EREG: variants seen among roughly 807,000 people sequenced by gnomAD.
EREG encodes the protein proepiregulin.
In EREG, 23 loss-of-function variants were observed where a neutral mutation model predicts 22.4. The ratio of observed to expected loss-of-function variants is 1.03; its 90% CI spans 0.74 to 1.46. The LOEUF is 1.46. EREG is among the 40% of genes most tolerant of loss of function. The probability of loss-of-function intolerance (pLI) is 0.00; values close to 1 mark genes in which losing one functional copy is unlikely to be tolerated. For synonymous variants in EREG, 100 were observed against 75.4 expected, an observed-to-expected ratio of 1.33 and a Z score of -1.69; for missense variants, 226 against 205.9, an observed-to-expected ratio of 1.10 and a Z score of -0.60.
intron 4 of EREG, among the ~76,000 whole-genome samples, 161 bp from the exon 5 acceptor site, chr4:74,384,566 C>A (rs1341442655): frequency 9.9e-6 from 1 of 101,500 alleles, no homozygotes; most frequent in Non-Finnish European, 1.9e-5. Flanking sequence ...ACCTCTTCAT[C>A]CCTCTTTTTT....
chr4:74,381,174 A>AT (rs759052961), intron 3 of EREG, 37 bp downstream of exon 3: 90 of 1,591,202 alleles, frequency 5.7e-5, no homozygotes, highest in Non-Finnish European at 7.5e-5. Flanking sequence ...AGTTTGTAAA[A>AT]TTTTGTTTTA....
At chr4:74,380,191 CT>C (rs1223759679) in intron 2 of EREG, among the ~76,000 whole-genome samples, 1 of 151,246 alleles carries the variant, frequency 6.6e-6, no homozygotes, top group Non-Finnish European at 1.5e-5. Context: ...ACAACTTTAT[CT>C]TTTGTCCCTC....
rs545084192 is a variant in EREG, at chr4:74,386,421, T to A, written c.*1613T>A. On this transcript the variant is annotated 3_prime_UTR_variant, in exon 5 of 5. Transcript: ENST00000244869. ...AAGTCCTGGCCCTGGCCCTTACTAT[T>A]AGGAAAATAAACAGACAAAAACAAG... 6.6e-6 allele frequency: 1 copy of A among 152,346 alleles called. No individual in the cohort carries two copies. The highest frequency in any genetic ancestry group is 2.1e-4 in the South Asian group (1 of 4,832). The allele number at this position is 152,346 out of a possible 1,614,324, so 9.4% of individuals were successfully genotyped here. A position where few individuals can be genotyped will look rare whatever the true frequency, so the allele number is the denominator to read the frequency against.
chr4:74,381,936 G>A, intron 3 of EREG: 1 of 118,820 alleles, frequency 8.4e-6, no homozygotes, highest in African/African-American at 3.1e-5. Flanking sequence ...AGTGAGCGGA[G>A]ATCATGCCAC....
At position 74,381,153 on chromosome 4, in the gene EREG, TAAAC is replaced by T. The variant is rs774016656; in HGVS notation, c.278+22_278+25del. On this transcript the variant is annotated intron_variant, in intron 3 of 4. Coordinates refer to ENST00000244869, the MANE Select transcript of EREG (RefSeq NM_001432.3). ...ACTACTGCAGGTAATATGTCAGAAA[TAAAC>T]AAACACAGTTTGTAAAATTTTGTTT... 20 of 1,605,292 alleles carry T rather than the reference TAAAC, an allele frequency of 1.2e-5. No individual in the cohort carries two copies. The highest frequency in any genetic ancestry group is 9.4e-5 in the African/African-American group (7 of 74,478).
In EREG at chr4:74,387,278, G is replaced by A. The variant is rs1379159278; in HGVS notation, c.*2470G>A. The A allele has an allele frequency of 2.6e-5, 4 of 151,748 alleles. No homozygotes were observed. The highest frequency in any genetic ancestry group is 5.9e-5 in the Non-Finnish European group (4 of 67,960). The allele number at this position is 151,748 out of a possible 1,614,324, so 9.4% of individuals were successfully genotyped here. A position where few individuals can be genotyped will look rare whatever the true frequency, so the allele number is the denominator to read the frequency against. ...CCAAGGTACAACTGTATTTATTAACGCTTACTAGATGTGAGGAGAGTCTGA... is the reference window on the plus strand; with the variant it reads ...CCAAGGTACAACTGTATTTATTAACACTTACTAGATGTGAGGAGAGTCTGA... On this transcript the variant is annotated 3_prime_UTR_variant, in exon 5 of 5. Transcript: ENST00000244869.
intron 1 of EREG, 69 bp from the exon 2 acceptor site, chr4:74,379,379 T>C (rs1752435666): frequency 1.1e-6 from 1 of 946,878 alleles, no homozygotes; most frequent in Admixed American, 1.7e-5. Context: ...ACTGCAGTTA[T>C]GTAGAAATTT....
chr4:74,366,264 A>T (rs1752182003), intron 1 of EREG, among the ~76,000 whole-genome samples: 1 of 152,204 alleles, frequency 6.6e-6, no homozygotes, highest in Non-Finnish European at 1.5e-5. Flanking sequence ...ATAAAAAAAT[A>T]AAAGTTACCA....
chr4:74,372,801 CTTTTTTTT>C (rs60657787), intron 1 of EREG, among the ~76,000 whole-genome samples: 6 of 71,906 alleles, frequency 8.3e-5, no homozygotes, highest in African/African-American at 1.2e-4. Flanking sequence ...TTAAATTGTA[CTTTTTTTT>C]TTTTTTTTTT....
intron 1 of EREG, among the ~76,000 whole-genome samples, chr4:74,372,688 G>T (rs1752310563): frequency 6.6e-6 from 1 of 151,262 alleles, no homozygotes; most frequent in South Asian, 2.1e-4. Flanking sequence ...GTTTCCAACA[G>T]AAAATTTGAA....
chr4:74,377,908 A>G (rs940705032), intron 1 of EREG, among the ~76,000 whole-genome samples: 2 of 152,148 alleles, frequency 1.3e-5, no homozygotes, highest in African/African-American at 4.8e-5. Flanking sequence ...CTCTCAATAC[A>G]TGGGGATTGC....
intron 1 of EREG, among the ~76,000 whole-genome samples, chr4:74,373,764 A>G (rs896258789): frequency 4.0e-5 from 6 of 151,332 alleles, no homozygotes; most frequent in Non-Finnish European, 8.8e-5. Flanking sequence ...ACACACACAC[A>G]CACACACACA....
At chr4:74,382,207 G>A (rs1752489841) in intron 3 of EREG, among the ~76,000 whole-genome samples, 1 of 151,996 alleles carries the variant, frequency 6.6e-6, no homozygotes, top group Non-Finnish European at 1.5e-5. Context: ...GGCTGAGATA[G>A]GAGAATTGCT....
At chr4:74,377,115 G>T (rs1433307508) in intron 1 of EREG, among the ~76,000 whole-genome samples, 1 of 146,924 alleles carries the variant, frequency 6.8e-6, no homozygotes, top group Non-Finnish European at 1.5e-5. Context: ...GAGGCTAGAA[G>T]TTGAGAGTCA....
At chr4:74,375,572 G>T (rs1430957534) in intron 1 of EREG, among the ~76,000 whole-genome samples, 1 of 150,696 alleles carries the variant, frequency 6.6e-6, no homozygotes, top group Non-Finnish European at 1.5e-5. Flanking sequence ...CTCGTGATCC[G>T]CACGCCTCGG....
intron 1 of EREG, among the ~76,000 whole-genome samples, chr4:74,374,520 G>A (rs1752345636): frequency 6.6e-6 from 1 of 152,192 alleles, no homozygotes; most frequent in Non-Finnish European, 1.5e-5. Context: ...CTGGGCAAAT[G>A]AGTAAGAGCC....
At chr4:74,366,010 G>A (rs141726402) in intron 1 of EREG, among the ~76,000 whole-genome samples, 5 of 152,142 alleles carry the variant, frequency 3.3e-5, no homozygotes, top group African/African-American at 1.2e-4. Flanking sequence ...TGCTGCTTGC[G>A]TTTTTCCCTG....
Position 74,388,443 on chromosome 4 carries a change from G to A in EREG, c.*3635G>A, listed in dbSNP as rs1752608754. ...ATATAATGTATTTTCTTTTTATTTT[G>A]CACTCTGTAATTGCACTTTTTAAGT... On this transcript the variant is annotated 3_prime_UTR_variant, in exon 5 of 5. Transcript: ENST00000244869. 1 of 152,180 alleles carries A rather than the reference G, an allele frequency of 6.6e-6. No homozygotes were observed. The highest frequency in any genetic ancestry group is 2.4e-5 in the African/African-American group (1 of 41,314). The allele number at this position is 152,180 out of a possible 1,614,324, so 9.4% of individuals were successfully genotyped here. A position where few individuals can be genotyped will look rare whatever the true frequency, so the allele number is the denominator to read the frequency against.
intron 1 of EREG, among the ~76,000 whole-genome samples, chr4:74,375,424 T>C (rs888481491): frequency 6.9e-6 from 1 of 145,468 alleles, no homozygotes; most frequent in Admixed American, 7.2e-5. Flanking sequence ...GTTCAAGCCA[T>C]TCTCCTGCCT....
Sources: gnomAD v4.1 joint callset for allele counts (sites outside exome capture counted in the v4.1 genomes callset) on GRCh38, gnomAD v4.1.1 for gene constraint, MANE v1.5 for transcripts, NCBI Gene and HGNC (gene_info 2026-07-23, HGNC 2026-07-21) for gene names.